RFLNA: variants seen among roughly 807,000 people sequenced by gnomAD.
RFLNA encodes refilin A, also known as refilin-A.
A neutral mutation model predicts 7.8 loss-of-function variants in RFLNA; 5 were observed. The observed-to-expected ratio is 0.64, with a 90% CI of 0.34 to 1.35. The LOEUF (loss-of-function observed/expected upper bound fraction) is 1.35. Ranked by LOEUF, RFLNA falls within the 40% of genes most tolerant of loss-of-function variation. The pLI is 0.04. For synonymous variants in RFLNA, 141 were observed against 131.3 expected (o/e 1.07, Z -0.50); for missense variants, 278 against 305.5 (o/e 0.91, Z 0.67).
At chr12:124,291,877 A>T (rs1338867847), upstream of RFLNA, among the ~76,000 whole-genome samples, 1 of 152,088 alleles carries the variant, frequency 6.6e-6, no homozygotes, top group East Asian at 1.9e-4. Flanking sequence ...TTTCTTCCCC[A>T]ACATGTGCTC....
rs1054198316 is a variant in RFLNA at position 124,306,433 on chromosome 12, G to A, written c.208-5385G>A. Among the ~76,000 whole-genome samples the A allele has an allele frequency of 6.6e-6, 1 of 152,100 alleles. No homozygotes were observed. The highest frequency in any genetic ancestry group is 1.5e-5 in the Non-Finnish European group (1 of 68,010). Reference sequence around the variant, plus strand: ...AGACAAGGGGCCGAGACAGGAACAGGCAGAGGCCCGAGTGGGAATCCTTGA... The same window carrying A: ...AGACAAGGGGCCGAGACAGGAACAGACAGAGGCCCGAGTGGGAATCCTTGA... On this transcript the variant is annotated intron_variant, in intron 1 of 2. Transcript: ENST00000546355. This position sits in a 1 kb window ranked among gnomAD's most constrained non-coding sequence, Gnocchi z 5.2.
At chr12:124,302,461 G>C (rs557900524) in intron 1 of RFLNA, among the ~76,000 whole-genome samples, 1 of 152,176 alleles carries the variant, frequency 6.6e-6, no homozygotes, top group South Asian at 2.1e-4. Flanking sequence ...GGGTCTCCTG[G>C]GATCCCCCCC....
At chr12:124,297,889 C>T (rs972020349) in intron 1 of RFLNA, among the ~76,000 whole-genome samples, 2 of 151,818 alleles carry the variant, frequency 1.3e-5, no homozygotes, top group Non-Finnish European at 2.9e-5. Context: ...CTTTGCTGAG[C>T]GGTGTTTAAC....
At chr12:124,307,185 G>A (rs1481348661) in intron 1 of RFLNA, among the ~76,000 whole-genome samples, 2 of 152,218 alleles carry the variant, frequency 1.3e-5, no homozygotes, top group African/African-American at 4.8e-5. Flanking sequence ...AAATAAATGC[G>A]TAAGCAAAAC....
At chr12:124,309,968 C>T (rs114310411) in intron 1 of RFLNA, among the ~76,000 whole-genome samples, 61 of 152,018 alleles carry the variant, frequency 4.0e-4, no homozygotes, top group African/African-American at 1.2e-3. Context: ...CAGGAATTTG[C>T]GATCAGCCTG....
Position 124,308,416 on chromosome 12 carries a change from C to T in RFLNA, c.208-3402C>T, listed in dbSNP as rs551392684. On this transcript the variant is annotated intron_variant, in intron 1 of 2. Transcript: ENST00000546355. ...AATAAGATCCTGTCCACAGGGTCTGCGTGGACATGGGCTTTGGGGGGGGAC... is the reference window on the plus strand; with the variant it reads ...AATAAGATCCTGTCCACAGGGTCTGTGTGGACATGGGCTTTGGGGGGGGAC... Among the ~76,000 whole-genome samples the T allele has an allele frequency of 8.6e-5, 13 of 151,900 alleles. No individual in the cohort carries two copies. In the South Asian group the frequency reaches 2.3e-3, roughly 27 times the overall value.
intron 1 of RFLNA, among the ~76,000 whole-genome samples, chr12:124,297,913 C>T (rs2033959099): frequency 6.6e-6 from 1 of 152,112 alleles, no homozygotes; most frequent in African/African-American, 2.4e-5. Flanking sequence ...ACCCTGCTCA[C>T]TGACGACTCA....
chr12:124,295,504 C>A lies in RFLNA; in HGVS notation c.75C>A (p.Ser25Arg). ...AGGGCCGGGAGGGCTTGCTGGACAGCCCCGACTCCGGGCTGCCCCCCAGCC... is the reference window on the plus strand; with the variant it reads ...AGGGCCGGGAGGGCTTGCTGGACAGACCCGACTCCGGGCTGCCCCCCAGCC... ...KEQGREGLLD[S>R]PDSGLPPSPS... The change falls in exon 1 of 3, where the codon AGC (serine) becomes AGA (arginine). Residue 25 changes from serine (S) to arginine (R), a missense_variant. Physicochemically the swap from Ser to Arg is moderately radical, Grantham distance 110 (BLOSUM62 -1). Transcript: ENST00000546355. 1 of 1,277,724 alleles carries A rather than the reference C, an allele frequency of 7.8e-7. No individual in the cohort carries two copies. Among genetic ancestry groups the A allele is most frequent in the South Asian group, 2.7e-5 (1 of 36,430 alleles). The allele number at this position is 1,277,724 out of a possible 1,614,324, so 79.1% of individuals were successfully genotyped here.
At chr12:124,313,678 CAA>C (rs11310797) in intron 2 of RFLNA, among the ~76,000 whole-genome samples, 219 of 139,112 alleles carry the variant, frequency 1.6e-3, no homozygotes, top group Middle Eastern at 3.7e-3. Context: ...GACTCCGTCT[CAA>C]AAAAAAAAAA....
Position 124,314,246 on chromosome 12 carries a change from C to G in RFLNA, c.372C>G (p.Phe124Leu). The change falls in exon 3 of 3, where the codon TTC (phenylalanine) becomes TTG (leucine). Residue 124 changes from phenylalanine to leucine, a missense_variant. By Grantham distance (22) the Phe-to-Leu change is conservative. Coordinates refer to ENST00000546355, the MANE Select transcript of RFLNA (RefSeq NM_001365156.1). ...AGAAGCATTTCCAGGACAAGGTCTT[C>G]TATGCGCCCGTACCCACCGTCACGG... ...ASEKHFQDKV[F>L]YAPVPTVTAY... 1.2e-6 allele frequency: 2 copies of G among 1,613,606 alleles called. No homozygotes were observed. Among genetic ancestry groups the G allele is most frequent in the Non-Finnish European group, 8.5e-7 (1 of 1,179,994 alleles).
At position 124,303,841 on chromosome 12, in the gene RFLNA, C is replaced by A. The variant is rs561301728; in HGVS notation, c.208-7977C>A. ...TGGGAGGGCGCTGCAGCCTCACAGACCGGCTGGGGGTGGGGGTGGGGAGCG... is the reference window on the plus strand; with the variant it reads ...TGGGAGGGCGCTGCAGCCTCACAGAACGGCTGGGGGTGGGGGTGGGGAGCG... On this transcript the variant is annotated intron_variant, in intron 1 of 2. Transcript: ENST00000546355. 9.2e-5 allele frequency among the ~76,000 whole-genome samples: 14 copies of A among 152,278 alleles called. No individual in the cohort carries two copies. The South Asian group carries it at 2.9e-3, about 32-fold the overall frequency.
At chr12:124,310,720 C>A (rs1344316818) in intron 1 of RFLNA, among the ~76,000 whole-genome samples, 1 of 152,092 alleles carries the variant, frequency 6.6e-6, no homozygotes, top group South Asian at 2.1e-4. Flanking sequence ...TTGGGACAGA[C>A]TTTAAAACAG....
upstream of RFLNA, among the ~76,000 whole-genome samples, chr12:124,293,476 C>A (rs895496295): frequency 6.6e-6 from 1 of 152,138 alleles, no homozygotes; most frequent in Non-Finnish European, 1.5e-5. Flanking sequence ...CCCCTCCCCC[C>A]ACCGCTTTCG....
In RFLNA at chr12:124,295,264, CG is replaced by C; in HGVS notation, c.-162del. The C allele has an allele frequency of 5.7e-6, 1 of 174,646 alleles. No individual in the cohort carries two copies. The highest frequency in any genetic ancestry group is 1.1e-5 in the Non-Finnish European group (1 of 89,142). 10.8% of individuals were successfully genotyped at this position (174,646 alleles called of 1,614,324 possible). Reference sequence around the variant, plus strand: ...CGGCGGCGAGCAGGCTGCAGGCCCGCGGGGATCCGGGGCGCGGGGGGCGCCG... The same window carrying C: ...CGGCGGCGAGCAGGCTGCAGGCCCGCGGGATCCGGGGCGCGGGGGGCGCCG... On this transcript the variant is annotated 5_prime_UTR_variant, in exon 1 of 3. Transcript: ENST00000546355.
At chr12:124,294,062 G>T (rs1412374309), upstream of RFLNA, among the ~76,000 whole-genome samples, 1 of 152,148 alleles carries the variant, frequency 6.6e-6, no homozygotes, top group South Asian at 2.1e-4. Context: ...GCTGTCTTAC[G>T]CCTGCCCGTT....
intron 1 of RFLNA, among the ~76,000 whole-genome samples, chr12:124,297,269 ACTTGT>A (rs1412939706): frequency 1.3e-5 from 2 of 152,112 alleles, no homozygotes; most frequent in African/African-American, 2.4e-5. Context: ...TGGCTGGCTT[ACTTGT>A]CTTGGCTCTT....
At chr12:124,305,557 A>G (rs2034123120) in intron 1 of RFLNA, among the ~76,000 whole-genome samples, 1 of 152,146 alleles carries the variant, frequency 6.6e-6, no homozygotes, top group Non-Finnish European at 1.5e-5. Context: ...TTCCTTCTGG[A>G]GGCTCAGAAA....
rs1358357183 is a variant in RFLNA, at chr12:124,314,997, C to T, written c.*472C>T. On this transcript the variant is annotated 3_prime_UTR_variant, in exon 3 of 3. Transcript: ENST00000546355. ...CATGTGTGAGGGAAGAGGGGTACCT[C>T]TCTTCCCTGCTGCTGGCCTGGGGTA... The T allele has an allele frequency of 3.5e-6, 1 of 286,766 alleles. No homozygotes were observed. Among genetic ancestry groups the T allele is most frequent in the Non-Finnish European group, 6.9e-6 (1 of 145,262 alleles). The allele number at this position is 286,766 out of a possible 1,614,324, so 17.8% of individuals were successfully genotyped here.
At chr12:124,299,294 C>A (rs573774116) in intron 1 of RFLNA, among the ~76,000 whole-genome samples, 34 of 152,376 alleles carry the variant, frequency 2.2e-4, no homozygotes, top group African/African-American at 7.9e-4. Context: ...CCCACTGGGC[C>A]TGGTGGCAGA....
Sources: allele counts gnomAD v4.1 joint callset (sites outside exome capture counted in the v4.1 genomes callset), GRCh38; gene constraint gnomAD v4.1.1; non-coding constraint Gnocchi (gnomAD v3.1); transcripts MANE v1.5; gene names NCBI Gene and HGNC (gene_info 2026-07-23, HGNC 2026-07-21).